Variants in ASTN2 observed in about 807,000 individuals in gnomAD.
ASTN2 encodes the protein astrotactin-2.
In ASTN2, 54 loss-of-function variants were observed where a neutral mutation model predicts 139.8. The observed-to-expected ratio is 0.39, with a 90% confidence interval of 0.31 to 0.48. The LOEUF (loss-of-function observed/expected upper bound fraction) is 0.48. Ranked by LOEUF, ASTN2 falls within the 20% of genes least tolerant of loss-of-function variation. The probability of loss-of-function intolerance (pLI) is 0.95; values close to 1 mark genes in which losing one functional copy is unlikely to be tolerated. For missense variants in ASTN2, 1,565 were observed against 1,725.1 expected (o/e 0.91, Z 1.64); for synonymous variants, 756 against 719.5 (o/e 1.05, Z -0.81).
In ASTN2 at chr9:116,771,097, A is replaced by G. The variant is rs546618397; in HGVS notation, c.2396+34535T>C. Among the ~76,000 whole-genome samples, 18 of 152,254 alleles carry G rather than the reference A, an allele frequency of 1.2e-4. No individual in the cohort carries two copies. In the South Asian group the frequency reaches 3.5e-3, roughly 30 times the overall value. On this transcript the variant is annotated intron_variant, in intron 13 of 22. Transcript: ENST00000313400. ...TCCATTCCTTTGTCCTTGCCTAACA[A>G]CCATTTACCCTTCAAGATTCAACTC...
chr9:117,323,212 A>G (rs539404071), intron 1 of ASTN2, among the ~76,000 whole-genome samples: 1 of 152,146 alleles, frequency 6.6e-6, no homozygotes, highest in South Asian at 2.1e-4. Context: ...GAAAAGAACA[A>G]TTTCTCCTAC....
intron 5 of ASTN2, among the ~76,000 whole-genome samples, chr9:117,044,540 T>C (rs1838676657): frequency 6.6e-6 from 1 of 152,140 alleles, no homozygotes; most frequent in Admixed American, 6.6e-5. Flanking sequence ...TAGCATTTAG[T>C]AAGTAAGGGT....
chr9:116,855,853 A>G (rs1263758026), intron 11 of ASTN2, among the ~76,000 whole-genome samples: 1 of 152,208 alleles, frequency 6.6e-6, no homozygotes, highest in African/African-American at 2.4e-5. Flanking sequence ...AGGGCCAGGC[A>G]CATAATTAGT....
chr9:116,767,597 C>G (rs570326759), intron 13 of ASTN2, among the ~76,000 whole-genome samples: 1 of 152,156 alleles, frequency 6.6e-6, no homozygotes, highest in Non-Finnish European at 1.5e-5. Context: ...CAGAGACAGA[C>G]GGAGACTACA....
chr9:116,449,429 A>C (rs892941258), intron 20 of ASTN2, among the ~76,000 whole-genome samples: 4 of 152,202 alleles, frequency 2.6e-5, no homozygotes, highest in African/African-American at 9.6e-5. Flanking sequence ...TAGTAAAAAT[A>C]AAATGTGTAT....
chr9:117,331,630 C>A (rs1486571648), intron 1 of ASTN2, among the ~76,000 whole-genome samples: 9 of 152,160 alleles, frequency 5.9e-5, no homozygotes, highest in African/African-American at 1.9e-4. Flanking sequence ...GTGCACCAAG[C>A]ACATGGCCTA....
At chr9:117,161,481 C>T (rs1403353473) in intron 3 of ASTN2, among the ~76,000 whole-genome samples, 1 of 152,040 alleles carries the variant, frequency 6.6e-6, no homozygotes, top group Non-Finnish European at 1.5e-5. Flanking sequence ...GCAACCTATG[C>T]TTCCTGGGTT....
intron 1 of ASTN2, among the ~76,000 whole-genome samples, chr9:117,382,332 A>G (rs1830295168): frequency 1.3e-5 from 2 of 152,188 alleles, no homozygotes; most frequent in Admixed American, 6.5e-5. Context: ...CAGGTTTGGG[A>G]AAACAGAACA....
At chr9:116,433,755 T>C (rs535608282) in intron 22 of ASTN2, among the ~76,000 whole-genome samples, 1 of 152,342 alleles carries the variant, frequency 6.6e-6, no homozygotes, top group Admixed American at 6.5e-5. Flanking sequence ...CTCAGCTTGC[T>C]CCTATCCAAC....
At chr9:117,243,299 T>C (rs1320338523) in intron 2 of ASTN2, among the ~76,000 whole-genome samples, 1 of 152,162 alleles carries the variant, frequency 6.6e-6, no homozygotes, top group Admixed American at 6.5e-5. Context: ...TTAATTCTCA[T>C]AACTGAGAAC....
intron 19 of ASTN2, among the ~76,000 whole-genome samples, chr9:116,517,223 A>C (rs1175536764): frequency 6.6e-6 from 1 of 152,196 alleles, no homozygotes; most frequent in East Asian, 1.9e-4. Flanking sequence ...CCAGCACACT[A>C]AACAAAAACA....
chr9:116,660,118 G>GTA (rs1014850033), intron 16 of ASTN2, among the ~76,000 whole-genome samples: 13 of 151,416 alleles, frequency 8.6e-5, no homozygotes, highest in African/African-American at 2.9e-4. Context: ...AGGTATATAT[G>GTA]TATGAGTATG....
At chr9:117,025,120 C>G (rs1838022802) in intron 6 of ASTN2, among the ~76,000 whole-genome samples, 1 of 152,094 alleles carries the variant, frequency 6.6e-6, no homozygotes, top group Admixed American at 6.6e-5. Flanking sequence ...CAGACTAATA[C>G]AAGCGGCAAA....
chr9:117,368,942 T>C (rs79533206), intron 1 of ASTN2, among the ~76,000 whole-genome samples: 2,925 of 152,230 alleles, frequency 0.019, 100 homozygotes, highest in African/African-American at 0.065. Context: ...TGCTTGAACT[T>C]AGGTCAAGTA....
intron 10 of ASTN2, among the ~76,000 whole-genome samples, chr9:116,919,940 C>CA (rs35192686): frequency 0.052 from 6,736 of 128,772 alleles, 333 homozygotes; most frequent in African/African-American, 0.15. Flanking sequence ...GAATCTGTCT[C>CA]AAAAAAAAAA....
chr9:117,036,722 T>G lies in ASTN2; in HGVS notation c.1423+3097A>C, dbSNP rs573341623. ...TGCTTACACTGCCTCACCCATTTCT[T>G]CCTGCAATAACCATAATACAGGCTC... is the stretch of plus-strand genomic sequence containing the variant. On this transcript the variant is annotated intron_variant, in intron 6 of 22. Transcript: ENST00000313400. Among the ~76,000 whole-genome samples, 8 of 152,264 alleles carry G rather than the reference T, an allele frequency of 5.3e-5. No homozygotes were observed. In the South Asian group the frequency reaches 1.7e-3, roughly 32 times the overall value.
chr9:117,335,323 A>G (rs1828849971), intron 1 of ASTN2, among the ~76,000 whole-genome samples: 1 of 152,148 alleles, frequency 6.6e-6, no homozygotes, highest in African/African-American at 2.4e-5. Context: ...ATATCTCCAA[A>G]TTGCTATGAC....
At chr9:117,377,173 A>C (rs1830146315) in intron 1 of ASTN2, among the ~76,000 whole-genome samples, 2 of 152,194 alleles carry the variant, frequency 1.3e-5, no homozygotes, top group South Asian at 4.1e-4. Context: ...CCGAAAGCCG[A>C]GAGAGGCCAG....
intron 1 of ASTN2, among the ~76,000 whole-genome samples, chr9:117,298,048 A>G (rs1834779389): frequency 6.6e-6 from 1 of 152,216 alleles, no homozygotes; most frequent in Admixed American, 6.5e-5. Context: ...CCAGCCAACC[A>G]TTAAATGGCT....
Sources: allele counts gnomAD v4.1 joint callset (sites outside exome capture counted in the v4.1 genomes callset), GRCh38; gene constraint gnomAD v4.1.1; transcripts MANE v1.5; gene names NCBI Gene and HGNC (gene_info 2026-07-23, HGNC 2026-07-21).